The following MARCKSL1 variants were observed in gnomAD, a reference collection of about 807,000 sequenced individuals.
MARCKSL1 encodes the protein MARCKS like 1.
A neutral mutation model predicts 13.3 loss-of-function variants in MARCKSL1; 5 were observed. The observed-to-expected ratio is 0.38, with a 90% CI of 0.20 to 0.79. MARCKSL1 has a LOEUF of 0.79. Among genes scored for constraint, MARCKSL1 ranks in the 30% least tolerant of loss-of-function variants. MARCKSL1 has a pLI of 0.45. For missense variants in MARCKSL1, 274 were observed against 251.6 expected, an observed-to-expected ratio of 1.09 and a Z score of -0.60; for synonymous variants, 126 against 103.2, an observed-to-expected ratio of 1.22 and a Z score of -1.34.
rs1349115568 is a variant in MARCKSL1, at chr1:32,336,176, G to T, written c.-143C>A. ...CCGGGGGAAGCCGAGCTGCACCTCC[G>T]CTCCGCGGCCGACCCGCTAGCTGCG... On this transcript the variant is annotated 5_prime_UTR_variant, in exon 1 of 2. Coordinates refer to ENST00000329421, the MANE Select transcript of MARCKSL1 (RefSeq NM_023009.7). The T allele has an allele frequency of 1.1e-5, 4 of 359,606 alleles. No individual in the cohort carries two copies. Among genetic ancestry groups the T allele is most frequent in the Admixed American group, 4.7e-5 (1 of 21,070 alleles). The allele number at this position is 359,606 out of a possible 1,614,324, so 22.3% of individuals were successfully genotyped here.
In MARCKSL1 at chr1:32,335,158, A is replaced by T; in HGVS notation, c.88-61T>A. 3.4e-6 allele frequency: 5 copies of T among 1,485,934 alleles called. No individual in the cohort carries two copies. The highest frequency in any genetic ancestry group is 4.5e-6 in the Non-Finnish European group (5 of 1,119,594). 92.0% of individuals were successfully genotyped at this position (1,485,934 alleles called of 1,614,324 possible). The stretch of plus-strand genomic sequence containing the variant: ...CTCCCCCTCCCCCAGCCCGCTTCTG[A>T]TCCCTTCTAGAGGAAGGGGTCCTCG... On this transcript the variant is annotated intron_variant, in intron 1 of 1. Transcript: ENST00000329421. The surrounding 1 kb of genome is among the most constrained non-coding windows in gnomAD (Gnocchi z 4.1).
Position 32,334,746 on chromosome 1 carries a change from C to G in MARCKSL1, c.439G>C (p.Ala147Pro). ...TGGGGTTCCTGGCTCTCAGGGGTGG[C>G]TGCGGCCTTCCCTTCCTGAGCAGTG... ...EGTAQEGKAA[A>P]TPESQEPQAK... Residue 147 changes from alanine to proline, a missense_variant, in exon 2 of 2, where the codon GCC (alanine) becomes CCC (proline). Ala to Pro is a conservative substitution (Grantham distance 27). Coordinates refer to ENST00000329421, the MANE Select transcript of MARCKSL1 (RefSeq NM_023009.7). 7 of 1,611,926 alleles carry G rather than the reference C, an allele frequency of 4.3e-6. No individual in the cohort carries two copies. Among genetic ancestry groups the G allele is most frequent in the Non-Finnish European group, 5.9e-6 (7 of 1,179,888 alleles).
At position 32,334,064 on chromosome 1, in the gene MARCKSL1, G is replaced by A. The variant is rs1396280395; in HGVS notation, c.*533C>T. 1 of 152,848 alleles carries A rather than the reference G, an allele frequency of 6.5e-6. No homozygotes were observed. The highest frequency in any genetic ancestry group is 1.9e-4 in the East Asian group (1 of 5,208). The allele number at this position is 152,848 out of a possible 1,614,324, so 9.5% of individuals were successfully genotyped here. On this transcript the variant is annotated 3_prime_UTR_variant, in exon 2 of 2. Transcript: ENST00000329421. ...ACCAAGTCAAAAAAGAGACACAGTT[G>A]ATTCACAGGCTGGAGGTTTGAACTT... is the stretch of plus-strand genomic sequence containing the variant.
Position 32,334,495 on chromosome 1 carries a change from T to C in MARCKSL1, c.*102A>G. On this transcript the variant is annotated 3_prime_UTR_variant, in exon 2 of 2. Coordinates refer to ENST00000329421, the MANE Select transcript of MARCKSL1 (RefSeq NM_023009.7). ...GGGAGGAGGCAATAGCCCCTTCCTT[T>C]CTGGGCACAGGAAGGCAGCCAGGGC... 1 of 1,393,784 alleles carries C rather than the reference T, an allele frequency of 7.2e-7. No homozygotes were observed. Among genetic ancestry groups the C allele is most frequent in the Non-Finnish European group, 9.5e-7 (1 of 1,050,338 alleles). 86.3% of individuals were successfully genotyped at this position (1,393,784 alleles called of 1,614,324 possible).
At position 32,336,054 on chromosome 1, in the gene MARCKSL1, C is replaced by T. The variant is rs1178698938; in HGVS notation, c.-21G>A. ...CCCATGATGGGGGTCTGCTGGGGGG[C>T]GCTTGGAGCCGCCCCGGGCTCGCGC... On this transcript the variant is annotated 5_prime_UTR_variant, in exon 1 of 2. Coordinates refer to ENST00000329421, the MANE Select transcript of MARCKSL1 (RefSeq NM_023009.7). 4 of 1,220,284 alleles carry T rather than the reference C, an allele frequency of 3.3e-6. No homozygotes were observed. Among genetic ancestry groups the T allele is most frequent in the Admixed American group, 3.3e-5 (1 of 30,380 alleles). 75.6% of individuals were successfully genotyped at this position (1,220,284 alleles called of 1,614,324 possible). A position where few individuals can be genotyped will look rare whatever the true frequency, so the allele number is the denominator to read the frequency against.
In MARCKSL1 at chr1:32,336,017, G is replaced by A; in HGVS notation, c.17C>T (p.Ser6Phe). The change falls in exon 1 of 2, where the codon TCC becomes TTC. Residue 6 changes from serine (S) to phenylalanine (F), a missense_variant. Ser to Phe is a radical substitution (Grantham distance 155, BLOSUM62 -2). Coordinates refer to ENST00000329421, the MANE Select transcript of MARCKSL1 (RefSeq NM_023009.7). MGSQSSKAPRGDVTAE... is the reference protein window; with the variant it reads MGSQSFKAPRGDVTAE... ...GGTCACGTCGCCCCGGGGAGCCTTG[G>A]AGCTCTGGCTGCCCATGATGGGGGT... The A allele has an allele frequency of 7.7e-7, 1 of 1,294,622 alleles. No individual in the cohort carries two copies. The highest frequency in any genetic ancestry group is 9.8e-7 in the Non-Finnish European group (1 of 1,020,656). 80.2% of individuals were successfully genotyped at this position (1,294,622 alleles called of 1,614,324 possible).
rs899743876 is a variant in MARCKSL1 at position 32,335,336 on chromosome 1, C to A, written c.88-239G>T. Among the ~76,000 whole-genome samples the A allele has an allele frequency of 1.3e-5, 2 of 152,040 alleles. No homozygotes were observed. Among genetic ancestry groups the A allele is most frequent in the East Asian group, 3.9e-4 (2 of 5,116 alleles). ...AGGCGCTGGGGTCCCGTGGCCCCCA[C>A]CCCCGTCCCCCGGGGCGCGCTCTCT... On this transcript the variant is annotated intron_variant, in intron 1 of 1. Transcript: ENST00000329421. This position sits in a 1 kb window ranked among gnomAD's most constrained non-coding sequence, Gnocchi z 4.1.
At position 32,334,279 on chromosome 1, in the gene MARCKSL1, G is replaced by A; in HGVS notation, c.*318C>T. 1 of 259,006 alleles carries A rather than the reference G, an allele frequency of 3.9e-6. No individual in the cohort carries two copies. Among genetic ancestry groups the A allele is most frequent in the Non-Finnish European group, 7.3e-6 (1 of 137,484 alleles). The allele number at this position is 259,006 out of a possible 1,614,324, so 16.0% of individuals were successfully genotyped here. ...CAAAACCTACTTGGAAAAGAATTGG[G>A]GAAGAAAACCAACAACTGCCTTATG... On this transcript the variant is annotated 3_prime_UTR_variant, in exon 2 of 2. Coordinates refer to ENST00000329421, the MANE Select transcript of MARCKSL1 (RefSeq NM_023009.7).
At position 32,336,181 on chromosome 1, in the gene MARCKSL1, G is replaced by C. The variant is rs902987544; in HGVS notation, c.-148C>G. The C allele has an allele frequency of 5.6e-6, 2 of 355,202 alleles. No individual in the cohort carries two copies. The highest frequency in any genetic ancestry group is 2.1e-5 in the African/African-American group (1 of 46,632). The allele number at this position is 355,202 out of a possible 1,614,324, so 22.0% of individuals were successfully genotyped here. A position where few individuals can be genotyped will look rare whatever the true frequency, so the allele number is the denominator to read the frequency against. On this transcript the variant is annotated 5_prime_UTR_variant, in exon 1 of 2. Coordinates refer to ENST00000329421, the MANE Select transcript of MARCKSL1 (RefSeq NM_023009.7). ...GGAAGCCGAGCTGCACCTCCGCTCC[G>C]CGGCCGACCCGCTAGCTGCGCCCGC...
Position 32,334,834 on chromosome 1 carries a change from A to G in MARCKSL1, c.351T>C (p.Ser117=). Residue 117 remains serine, a synonymous_variant, in exon 2 of 2, where the codon TCT becomes TCC. Coordinates refer to ENST00000329421, the MANE Select transcript of MARCKSL1 (RefSeq NM_023009.7). ...GCTCTTCCTCTGTGGGTGAGGAGGC[A>G]GAAGAATCACCCCCACCCTCCTTCC... is the stretch of plus-strand genomic sequence containing the variant. ...RNRKEGGGDS[S]ASSPTEEEQE... 1.2e-6 allele frequency: 2 copies of G among 1,612,312 alleles called. No homozygotes were observed. Among genetic ancestry groups the G allele is most frequent in the Non-Finnish European group, 1.7e-6 (2 of 1,179,978 alleles).
In MARCKSL1 at chr1:32,334,621, T is replaced by C. The variant is rs751524240; in HGVS notation, c.564A>G (p.Pro188=). The stretch of plus-strand genomic sequence containing the variant: ...GCTACTCATTCTGCTCAGCGCTGGC[T>C]GGTGTAGGGCCACTCTCCGGCCCCG... ...TPSGPESGPT[P]ASAEQNE Residue 188 remains proline (P), a synonymous_variant, in exon 2 of 2, where the codon CCA becomes CCG. Coordinates refer to ENST00000329421, the MANE Select transcript of MARCKSL1 (RefSeq NM_023009.7). 1.9e-6 allele frequency: 3 copies of C among 1,576,940 alleles called. No homozygotes were observed. The African/African-American group carries it at 4.1e-5, about 21-fold the overall frequency.
Position 32,334,446 on chromosome 1 carries a change from G to T in MARCKSL1, c.*151C>A. 1.1e-6 allele frequency: 1 copy of T among 877,448 alleles called. No individual in the cohort carries two copies. Among genetic ancestry groups the T allele is most frequent in the East Asian group, 2.8e-5 (1 of 35,728 alleles). 54.4% of individuals were successfully genotyped at this position (877,448 alleles called of 1,614,324 possible). On this transcript the variant is annotated 3_prime_UTR_variant, in exon 2 of 2. Coordinates refer to ENST00000329421, the MANE Select transcript of MARCKSL1 (RefSeq NM_023009.7). The stretch of plus-strand genomic sequence containing the variant: ...GGCTGATGGGAGAATCCACAGGAGG[G>T]AGAGGAGGAAAGGGAACGTGGCTGG...
In MARCKSL1 at chr1:32,334,586, C is replaced by G; in HGVS notation, c.*11G>C. ...TTGCAGCTTAGAGATCACCCACCTG[C>G]CCCTACCTAGCTACTCATTCTGCTC... On this transcript the variant is annotated 3_prime_UTR_variant, in exon 2 of 2. Coordinates refer to ENST00000329421, the MANE Select transcript of MARCKSL1 (RefSeq NM_023009.7). 6.6e-7 allele frequency: 1 copy of G among 1,526,434 alleles called. No individual in the cohort carries two copies. The allele number at this position is 1,526,434 out of a possible 1,614,324, so 94.6% of individuals were successfully genotyped here.
chr1:32,334,477 G>A lies in MARCKSL1; in HGVS notation c.*120C>T, dbSNP rs1462146898. 5.7e-6 allele frequency: 7 copies of A among 1,236,782 alleles called. No individual in the cohort carries two copies. The highest frequency in any genetic ancestry group is 1.5e-5 in the African/African-American group (1 of 65,204). 76.6% of individuals were successfully genotyped at this position (1,236,782 alleles called of 1,614,324 possible). ...AGGAAAGGGAACGTGGCTGGGAGGA[G>A]GCAATAGCCCCTTCCTTTCTGGGCA... On this transcript the variant is annotated 3_prime_UTR_variant, in exon 2 of 2. Coordinates refer to ENST00000329421, the MANE Select transcript of MARCKSL1 (RefSeq NM_023009.7).
At position 32,334,713 on chromosome 1, in the gene MARCKSL1, C is replaced by G; in HGVS notation, c.472G>C (p.Gly158Arg). Residue 158 changes from glycine (G) to arginine (R), a missense_variant, in exon 2 of 2, where the codon GGG (glycine) becomes CGG (arginine). Physicochemically the swap from Gly to Arg is moderately radical, Grantham distance 125. Coordinates refer to ENST00000329421, the MANE Select transcript of MARCKSL1 (RefSeq NM_023009.7). ...TPESQEPQAK[G>R]AEASAASEEE... The stretch of plus-strand genomic sequence containing the variant: ...TCTGAGGCTGCACTAGCCTCTGCCC[C>G]CTTGGCCTGGGGTTCCTGGCTCTCA... 6.2e-7 allele frequency: 1 copy of G among 1,612,740 alleles called. No individual in the cohort carries two copies. The highest frequency in any genetic ancestry group is 8.5e-7 in the Non-Finnish European group (1 of 1,179,954).
In MARCKSL1 at chr1:32,335,168, G is replaced by C. The variant is rs1641365530; in HGVS notation, c.88-71C>G. On this transcript the variant is annotated intron_variant, in intron 1 of 1. Coordinates refer to ENST00000329421, the MANE Select transcript of MARCKSL1 (RefSeq NM_023009.7). This position sits in a 1 kb window ranked among gnomAD's most constrained non-coding sequence, Gnocchi z 4.1. ...CCCAGCCCGCTTCTGATCCCTTCTAGAGGAAGGGGTCCTCGATTCGATTCT... is the reference window on the plus strand; with the variant it reads ...CCCAGCCCGCTTCTGATCCCTTCTACAGGAAGGGGTCCTCGATTCGATTCT... The C allele has an allele frequency of 7.2e-7, 1 of 1,392,042 alleles. No homozygotes were observed. Among genetic ancestry groups the C allele is most frequent in the Non-Finnish European group, 9.4e-7 (1 of 1,059,754 alleles). 86.2% of individuals were successfully genotyped at this position (1,392,042 alleles called of 1,614,324 possible). A position where few individuals can be genotyped will look rare whatever the true frequency, so the allele number is the denominator to read the frequency against.
rs906114305 is a variant in MARCKSL1 at position 32,334,339 on chromosome 1, G to A, written c.*258C>T. On this transcript the variant is annotated 3_prime_UTR_variant, in exon 2 of 2. Coordinates refer to ENST00000329421, the MANE Select transcript of MARCKSL1 (RefSeq NM_023009.7). ...GGACAGGGAAGGAGGTAGGGCCAGG[G>A]ACAGGAGCATTTCACATCACTAACC... The A allele has an allele frequency of 4.9e-5, 19 of 388,720 alleles. No individual in the cohort carries two copies. Among genetic ancestry groups the A allele is most frequent in the Admixed American group, 2.2e-4 (5 of 22,628 alleles). The allele number at this position is 388,720 out of a possible 1,614,324, so 24.1% of individuals were successfully genotyped here. A position where few individuals can be genotyped will look rare whatever the true frequency, so the allele number is the denominator to read the frequency against.
chr1:32,336,228 A>C lies in MARCKSL1; in HGVS notation c.-195T>G. ...CCGCCGCCGCTCCGCTCCGCGCCAG[A>C]ATGCCGCCCGCCGCCCGCCGAGCTG... On this transcript the variant is annotated 5_prime_UTR_variant, in exon 1 of 2. In the 5' UTR this introduces an upstream ATG that the reference lacks. Transcript: ENST00000329421. 1 of 318,114 alleles carries C rather than the reference A, an allele frequency of 3.1e-6. No individual in the cohort carries two copies. 19.7% of individuals were successfully genotyped at this position (318,114 alleles called of 1,614,324 possible).
In MARCKSL1 at chr1:32,334,997, T is replaced by A. The variant is rs1363911728; in HGVS notation, c.188A>T (p.Asp63Val). ...GCTAGGGGGTGCTGGCTCGATGGCA[T>A]CGCCAGTGGCCCCGGCTGCCTCATC... ...GTDEAAGATG[D>V]AIEPAPPSQG... Residue 63 changes from aspartate to valine, a missense_variant, in exon 2 of 2, where the codon GAT becomes GTT. Transcript: ENST00000329421. 1.2e-6 allele frequency: 2 copies of A among 1,606,874 alleles called. No homozygotes were observed. Among genetic ancestry groups the A allele is most frequent in the African/African-American group, 2.7e-5 (2 of 74,504 alleles).
Sources: gnomAD v4.1 joint callset for allele counts (sites outside exome capture counted in the v4.1 genomes callset) on GRCh38, gnomAD v4.1.1 for gene constraint, Gnocchi (gnomAD v3.1) non-coding constraint, MANE v1.5 for transcripts, NCBI Gene and HGNC (gene_info 2026-07-23, HGNC 2026-07-21) for gene names.